The following ZNF217 variants were observed in gnomAD, a reference collection of about 807,000 sequenced individuals.
ZNF217 encodes zinc finger protein 217.
A neutral mutation model predicts 73.3 loss-of-function variants in ZNF217; 12 were observed. The observed-to-expected ratio is 0.16, with a 90% CI of 0.10 to 0.27. ZNF217 has a LOEUF of 0.27. Among genes scored for constraint, ZNF217 ranks in the 10% least tolerant of loss-of-function variants. ZNF217 has a pLI of 1.00. For synonymous variants in ZNF217, 588 were observed against 516.4 expected (o/e 1.14, Z -1.88); for missense variants, 1,195 against 1,327.8 (o/e 0.90, Z 1.55).
intron 1 of ZNF217, among the ~76,000 whole-genome samples, chr20:53,591,599 G>A (rs1279369852): frequency 6.6e-6 from 1 of 152,170 alleles, no homozygotes; most frequent in African/African-American, 2.4e-5. Context: ...TTAGTCTCCA[G>A]AACCCTGAAC....
chr20:53,593,253 G>T (rs1236024190), intron 1 of ZNF217, among the ~76,000 whole-genome samples: 2 of 152,026 alleles, frequency 1.3e-5, no homozygotes, highest in African/African-American at 4.8e-5. Flanking sequence ...CATTGTTTAC[G>T]GGGGGATGCC....
chr20:53,575,889 AGTCCTGCGGTAACAGTGATGT>A lies in ZNF217; in HGVS notation c.2854_2874del (p.Thr952_Asp958del). The A allele has an allele frequency of 6.2e-7, 1 of 1,614,214 alleles. No individual in the cohort carries two copies. The highest frequency in any genetic ancestry group is 8.5e-7 in the Non-Finnish European group (1 of 1,180,042). On this transcript the variant is annotated inframe_deletion, in exon 4 of 6. Coordinates refer to ENST00000371471, the MANE Select transcript of ZNF217 (RefSeq NM_006526.3). ...GGCAGCGCCTGCGACGGATACACAC[AGTCCTGCGGTAACAGTGATGT>A]GATGCCTCTGACCATATGGTACTTG...
rs1346430372 is a variant in ZNF217, at chr20:53,587,462, CTG to C, written c.-342-4296_-342-4295del. 2.0e-5 allele frequency among the ~76,000 whole-genome samples: 3 copies of C among 152,306 alleles called. No individual in the cohort carries two copies. The East Asian group carries it at 5.8e-4, about 29-fold the overall frequency. On this transcript the variant is annotated intron_variant, in intron 1 of 5. Coordinates refer to ENST00000371471, the MANE Select transcript of ZNF217 (RefSeq NM_006526.3). The stretch of plus-strand genomic sequence containing the variant: ...TTCTTTACATCCTGATGTACTCAAA[CTG>C]TTAACTTTTAGAAACAGCACAGCCT...
In ZNF217 at chr20:53,575,302, T is replaced by G. The variant is rs139181834; in HGVS notation, c.3037+425A>C. Reference sequence around the variant, plus strand: ...TTCAAGACCAGCCTGGGCAACTCCATCTCTACAAAAAAAATTTAAAAATCA... The same window carrying G: ...TTCAAGACCAGCCTGGGCAACTCCAGCTCTACAAAAAAAATTTAAAAATCA... On this transcript the variant is annotated intron_variant, in intron 4 of 5. Coordinates refer to ENST00000371471, the MANE Select transcript of ZNF217 (RefSeq NM_006526.3). The G allele has an allele frequency of 5.3e-3, 821 of 155,846 alleles. 11 individuals are homozygous for G. The highest frequency in any genetic ancestry group is 0.019 in the African/African-American group (780 of 41,530). 9.7% of individuals were successfully genotyped at this position (155,846 alleles called of 1,614,324 possible).
chr20:53,596,766 A>G (rs1214622507), upstream of ZNF217, among the ~76,000 whole-genome samples: 1 of 151,996 alleles, frequency 6.6e-6, no homozygotes, highest in Non-Finnish European at 1.5e-5. Flanking sequence ...GGCCATCTCT[A>G]AAGGAGTCAG....
upstream of ZNF217, among the ~76,000 whole-genome samples, chr20:53,596,458 CTG>C (rs1989044064): frequency 6.6e-6 from 1 of 152,132 alleles, no homozygotes; most frequent in Non-Finnish European, 1.5e-5. Flanking sequence ...CAAATACATA[CTG>C]TGTTTTCAGA....
chr20:53,576,361 C>G lies in ZNF217; in HGVS notation c.2403G>C (p.Lys801Asn), dbSNP rs1420554740. The part of the protein sequence containing the change: ...KGKQSPPGPG[K>N]APLTSGIDSS... ...AGTCTATCCCTGAAGTCAGAGGGGCCTTGCCTGGCCCAGGAGGGCTCTGCT... is the reference window on the plus strand; with the variant it reads ...AGTCTATCCCTGAAGTCAGAGGGGCGTTGCCTGGCCCAGGAGGGCTCTGCT... The change falls in exon 4 of 6, where the codon AAG becomes AAC. Residue 801 changes from lysine to asparagine, a missense_variant. Around this residue, in one of 9 missense-constraint regions of ZNF217, gnomAD observed 649 missense variants for 642.8 expected, o/e 1.01. Coordinates refer to ENST00000371471, the MANE Select transcript of ZNF217 (RefSeq NM_006526.3). 2 of 1,614,070 alleles carry G rather than the reference C, an allele frequency of 1.2e-6. No individual in the cohort carries two copies. Among genetic ancestry groups the G allele is most frequent in the Non-Finnish European group, 1.7e-6 (2 of 1,180,044 alleles).
chr20:53,584,536 C>T (rs1223587727), intron 1 of ZNF217, among the ~76,000 whole-genome samples: 2 of 152,188 alleles, frequency 1.3e-5, no homozygotes, highest in East Asian at 3.8e-4. Flanking sequence ...TTGTTGCTAT[C>T]ACAATGGAGG....
In ZNF217 at chr20:53,567,987, A is replaced by G. The variant is rs958690364; in HGVS notation, c.*1301T>C. ...ACTAATAAACTCAGCCATGGACAGC[A>G]TATTAAAGAACAAAAGTTTAAAATA... On this transcript the variant is annotated 3_prime_UTR_variant, in exon 6 of 6. Transcript: ENST00000371471. 6.5e-6 allele frequency: 1 copy of G among 152,674 alleles called. No individual in the cohort carries two copies. Among genetic ancestry groups the G allele is most frequent in the Admixed American group, 6.5e-5 (1 of 15,286 alleles). The allele number at this position is 152,674 out of a possible 1,614,324, so 9.5% of individuals were successfully genotyped here. A position where few individuals can be genotyped will look rare whatever the true frequency, so the allele number is the denominator to read the frequency against.
At position 53,591,578 on chromosome 20, in the gene ZNF217, AC is replaced by A. The variant is rs1988880726; in HGVS notation, c.-343+2177del. ...AGCAACATCAGGGTTAAGAAACAAA[AC>A]GAAACACTATTAGTCTCCAGAACCC... On this transcript the variant is annotated intron_variant, in intron 1 of 5. Transcript: ENST00000371471. Among the ~76,000 whole-genome samples the A allele has an allele frequency of 2.0e-5, 3 of 152,360 alleles. No individual in the cohort carries two copies. The East Asian group carries it at 5.8e-4, about 29-fold the overall frequency.
At chr20:53,591,295 A>G (rs2145981372) in intron 1 of ZNF217, among the ~76,000 whole-genome samples, 1 of 152,352 alleles carries the variant, frequency 6.6e-6, no homozygotes, top group Non-Finnish European at 1.5e-5. Flanking sequence ...AGAGTGGGAC[A>G]CTAAAGAAAA....
chr20:53,573,093 G>A (rs1030907579), intron 4 of ZNF217, among the ~76,000 whole-genome samples: 1 of 150,872 alleles, frequency 6.6e-6, no homozygotes, highest in Non-Finnish European at 1.5e-5. Context: ...AAACAGTGTC[G>A]TATCTGCAGT....
rs1028764097 is a variant in ZNF217 at position 53,575,564 on chromosome 20, C to T, written c.3037+163G>A. On this transcript the variant is annotated intron_variant, in intron 4 of 5. Transcript: ENST00000371471. ...GAGTTAAGTAAGCCTTGGAGGACCACAAACCACTGCCGTATCTAAGAATGC... is the reference window on the plus strand; with the variant it reads ...GAGTTAAGTAAGCCTTGGAGGACCATAAACCACTGCCGTATCTAAGAATGC... 46 of 641,366 alleles carry T rather than the reference C, an allele frequency of 7.2e-5. 1 individual carries two copies. In the South Asian group the frequency reaches 8.6e-4, roughly 12 times the overall value. 39.7% of individuals were successfully genotyped at this position (641,366 alleles called of 1,614,324 possible).
chr20:53,578,347 G>C lies in ZNF217; in HGVS notation c.1470C>G (p.Leu490=), dbSNP rs778267626. 10 of 1,588,812 alleles carry C rather than the reference G, an allele frequency of 6.3e-6. No individual in the cohort carries two copies. Among genetic ancestry groups the C allele is most frequent in the Admixed American group, 5.5e-5 (3 of 54,394 alleles). ...AAAGTTCTTTACCTGTATGCGTTCTGAGATGAATATTGAGGTAATAATTTG... is the reference window on the plus strand; with the variant it reads ...AAAGTTCTTTACCTGTATGCGTTCTCAGATGAATATTGAGGTAATAATTTG... ...FRSNYYLNIH[L]RTHTGEKPYK... is the part of the protein sequence containing the mutation. The change falls in exon 3 of 6, where the codon CTC becomes CTG. Residue 490 remains leucine (L), a synonymous_variant. Transcript: ENST00000371471.
In ZNF217 at chr20:53,571,859, T is replaced by TA; in HGVS notation, c.3038-7_3038-6insT. 4 of 1,574,788 alleles carry TA rather than the reference T, an allele frequency of 2.5e-6. No homozygotes were observed. The Admixed American group carries it at 6.0e-5, about 24-fold the overall frequency. ...ATATGACACAGGCCTTTTTCCTGAT[T>TA]GAAAAAAAAAACATATTTAGAGTTA... is the stretch of plus-strand genomic sequence containing the variant. On this transcript the variant is annotated splice_polypyrimidine_tract_variant and splice_region_variant and intron_variant, in intron 4 of 5. Transcript: ENST00000371471.
At chr20:53,569,342 T>A in intron 5 of ZNF217, 78 bp from the exon 6 acceptor site, 1 of 1,077,474 alleles carries the variant, frequency 9.3e-7, no homozygotes, top group Non-Finnish European at 1.2e-6. Flanking sequence ...TAAAAAAGCG[T>A]AATACATAGA....
chr20:53,569,796 C>T (rs1415652027), intron 5 of ZNF217, among the ~76,000 whole-genome samples: 4 of 152,036 alleles, frequency 2.6e-5, no homozygotes. Context: ...ATGACTTAAC[C>T]AAGAATCAGA....
At chr20:53,588,176 G>A (rs1293344425) in intron 1 of ZNF217, among the ~76,000 whole-genome samples, 1 of 151,880 alleles carries the variant, frequency 6.6e-6, no homozygotes, top group African/African-American at 2.4e-5. Flanking sequence ...TAATCATATA[G>A]CATATTTGAG....
chr20:53,589,042 G>A (rs1206245545), intron 1 of ZNF217, among the ~76,000 whole-genome samples: 1 of 152,114 alleles, frequency 6.6e-6, no homozygotes, highest in Non-Finnish European at 1.5e-5. Flanking sequence ...TACTCCTAAC[G>A]CTGATTCAAG....
Sources: gnomAD v4.1 joint callset for allele counts (sites outside exome capture counted in the v4.1 genomes callset) on GRCh38, gnomAD v4.1.1 for gene constraint, gnomAD v4.1.1 regional missense constraint, MANE v1.5 for transcripts, NCBI Gene and HGNC (gene_info 2026-07-23, HGNC 2026-07-21) for gene names.